The following DST variants were observed in gnomAD, a reference collection of about 807,000 sequenced individuals.
DST encodes the protein bullous pemphigoid antigen.
Under a neutral mutation model 875.2 loss-of-function variants are expected in DST, and 253 were observed. That is an observed-to-expected ratio of 0.29 (90% CI 0.26 to 0.32). The LOEUF is 0.32. DST is among the 10% of genes least tolerant of loss of function. The pLI is 1.00. For synonymous variants in DST, 3,124 were observed against 3,197.1 expected (o/e 0.98, Z 0.77); for missense variants, 8,287 against 9,111.6 (o/e 0.91, Z 3.68).
chr6:56,597,076 C>CA (rs1305970162), intron 47 of DST, among the ~76,000 whole-genome samples: 5 of 151,980 alleles, frequency 3.3e-5, no homozygotes, highest in Non-Finnish European at 1.5e-5. Flanking sequence ...CTCATCACTA[C>CA]AAAAAATACA....
chr6:56,742,414 T>C (rs2099550581), intron 4 of DST: 3 of 1,231,600 alleles, frequency 2.4e-6, no homozygotes, highest in Admixed American at 2.3e-5. Context: ...TCCTGTTAAC[T>C]TTCTATGTAG....
intron 4 of DST, among the ~76,000 whole-genome samples, chr6:56,831,197 G>A (rs780567340): frequency 1.3e-5 from 2 of 152,138 alleles, no homozygotes; most frequent in African/African-American, 2.4e-5. Context: ...GCTGAGCCAT[G>A]GCTAAAACTT....
At chr6:56,594,385 G>C (rs367910920) in intron 47 of DST, among the ~76,000 whole-genome samples, 192 bp from the exon 48 acceptor site, 6 of 152,222 alleles carry the variant, frequency 3.9e-5, no homozygotes, top group Admixed American at 1.3e-4. Context: ...TTTTGAGCAT[G>C]CTAATCTTAT....
intron 28 of DST, 113 bp from the exon 29 acceptor site, chr6:56,632,153 G>T: frequency 1.4e-6 from 1 of 727,754 alleles, no homozygotes; most frequent in Non-Finnish European, 2.2e-6. Flanking sequence ...TCAAGCAAAT[G>T]ATTCCTGTTT....
chr6:56,787,950 C>T (rs1179520196), intron 4 of DST, among the ~76,000 whole-genome samples: 1 of 151,120 alleles, frequency 6.6e-6, no homozygotes, highest in Non-Finnish European at 1.5e-5. Context: ...ACCAGCCTGG[C>T]CTCTACTAAA....
In DST at chr6:56,605,218, A is replaced by G. The variant is rs775533007; in HGVS notation, c.9410T>C (p.Leu3137Pro). ...VSKSPVQFEN[L>P]EEIFDTSVSK... ...AACTGATGTGTCAAAAATTTCTTCAAGATTCTCAAACTGAACAGGACTTTT... is the reference window on the plus strand; with the variant it reads ...AACTGATGTGTCAAAAATTTCTTCAGGATTCTCAAACTGAACAGGACTTTT... The change falls in exon 40 of 104, where the codon CTT becomes CCT. Residue 3137 changes from leucine to proline, a missense_variant. Leu to Pro is a moderately conservative substitution (Grantham distance 98). Transcript: ENST00000680361. 2 of 1,611,658 alleles carry G rather than the reference A, an allele frequency of 1.2e-6. No individual in the cohort carries two copies. The highest frequency in any genetic ancestry group is 1.7e-6 in the Non-Finnish European group (2 of 1,178,722).
In DST at chr6:56,837,110, T is replaced by C. The variant is rs567828613; in HGVS notation, c.625+14287A>G. Among the ~76,000 whole-genome samples the C allele has an allele frequency of 3.9e-5, 6 of 152,256 alleles. No homozygotes were observed. In the South Asian group the frequency reaches 1.2e-3, roughly 32 times the overall value. ...ATTACTTAAAGCGCTCTACATTAAA[T>C]AGAGCATTCCAGTTTTCTAGGGCAC... is the stretch of plus-strand genomic sequence containing the variant. On this transcript the variant is annotated intron_variant, in intron 4 of 103. Coordinates refer to ENST00000680361, the MANE Select transcript of DST (RefSeq NM_001374736.1).
Position 56,608,243 on chromosome 6 carries a change from T to C in DST, c.6385A>G (p.Ile2129Val), listed in dbSNP as rs768481410. The C allele has an allele frequency of 6.2e-7, 1 of 1,613,618 alleles. No homozygotes were observed. The highest frequency in any genetic ancestry group is 8.5e-7 in the Non-Finnish European group (1 of 1,179,776). The change falls in exon 40 of 104, where the codon ATT becomes GTT. Residue 2129 changes from isoleucine to valine, a missense_variant. Physicochemically the swap from Ile to Val is conservative, Grantham distance 29. Around this residue, in one of 10 missense-constraint regions of DST, gnomAD observed 3,138 missense variants for 3,116.6 expected, o/e 1.01. Transcript: ENST00000680361. Reference sequence around the variant, plus strand: ...ATTGATGCTGTGTTGTTGTCTATAATTCCTAGCTGTTTAGCAGCATCCAAA... The same window carrying C: ...ATTGATGCTGTGTTGTTGTCTATAACTCCTAGCTGTTTAGCAGCATCCAAA... ...IGLDAAKQLG[I>V]IDNNTASILK... is the part of the protein sequence containing the mutation.
chr6:56,677,814 C>A (rs1430312641), intron 9 of DST, among the ~76,000 whole-genome samples: 1 of 152,170 alleles, frequency 6.6e-6, no homozygotes, highest in African/African-American at 2.4e-5. Flanking sequence ...CATATTTGAT[C>A]TGGGCTTTAT....
chr6:56,710,363 T>A (rs1227924174), intron 5 of DST, among the ~76,000 whole-genome samples: 1 of 152,178 alleles, frequency 6.6e-6, no homozygotes, highest in Non-Finnish European at 1.5e-5. Context: ...TGGAAAACAA[T>A]CAGCTATCTT....
In DST at chr6:56,616,282, A is replaced by C. The variant is rs574505826; in HGVS notation, c.4930-1798T>G. 8.3e-5 allele frequency: 134 copies of C among 1,614,084 alleles called. 1 individual carries two copies. The South Asian group carries it at 1.3e-3, about 16-fold the overall frequency. On this transcript the variant is annotated intron_variant, in intron 36 of 103. Transcript: ENST00000680361. ...TAATATTGAAGTGTAATCCTGTTTT[A>C]GTATCAGTCAGCATATGAGAAGAAT...
chr6:56,683,548 A>G (rs1411353014), intron 9 of DST, among the ~76,000 whole-genome samples: 3 of 152,206 alleles, frequency 2.0e-5, no homozygotes, highest in African/African-American at 7.2e-5. Flanking sequence ...TACCCTTGGA[A>G]CATTCTCCCC....
chr6:56,752,972 G>T (rs994125486), intron 4 of DST, among the ~76,000 whole-genome samples: 1 of 151,904 alleles, frequency 6.6e-6, no homozygotes, highest in African/African-American at 2.4e-5. Context: ...TGTATTTTTA[G>T]TAGAGACGGG....
chr6:56,885,776 C>T (rs1784428721), intron 3 of DST, among the ~76,000 whole-genome samples: 1 of 152,202 alleles, frequency 6.6e-6, no homozygotes, highest in Admixed American at 6.5e-5. Context: ...TGGTCTTGAA[C>T]TTTCTAGGTT....
In DST at chr6:56,552,571, G is replaced by T. The variant is rs1023268228; in HGVS notation, c.16221C>A (p.Ser5407Arg). The stretch of plus-strand genomic sequence containing the variant: ...CTGCATCTCTCCCCACTGGAGCCAT[G>T]CTATCCAGTTCATCATCAAACTCTG... ...QFAEFDDELD[S>R]MAPVGRDAET... The change falls in exon 61 of 104, where the codon AGC (serine) becomes AGA (arginine). Residue 5407 changes from serine (S) to arginine (R), a missense_variant. By Grantham distance (110) the Ser-to-Arg change is moderately radical. This residue lies in a region of DST where 1,513 missense variants were observed against 1,677.8 expected (regional missense o/e 0.90). Transcript: ENST00000680361. The T allele has an allele frequency of 6.2e-7, 1 of 1,614,008 alleles. No homozygotes were observed.
chr6:56,818,028 G>A (rs1242235560), intron 4 of DST, among the ~76,000 whole-genome samples: 1 of 152,136 alleles, frequency 6.6e-6, no homozygotes, highest in Non-Finnish European at 1.5e-5. Flanking sequence ...ATAGCCATGA[G>A]CCAAGGAATG....
At position 56,529,774 on chromosome 6, in the gene DST, C is replaced by T. The variant is rs778363684; in HGVS notation, c.17269G>A (p.Ala5757Thr). The T allele has an allele frequency of 7.8e-6, 12 of 1,537,568 alleles. No homozygotes were observed. The highest frequency in any genetic ancestry group is 3.5e-4 in the Middle Eastern group (2 of 5,762). The part of the protein sequence containing the change: ...KLEEQIAQHK[A>T]LEDDIINHNK... The stretch of plus-strand genomic sequence containing the variant: ...TGATTGATGATGTCATCTTCTAAGG[C>T]CTAAGCAAAGTTTAAAAAAATAAAG... Residue 5757 changes from alanine to threonine, a missense_variant and splice_region_variant, in exon 66 of 104, where the codon GCC (alanine) becomes ACC (threonine). Physicochemically the swap from Ala to Thr is moderately conservative, Grantham distance 58. This residue lies in a region of DST where 777 missense variants were observed against 764.8 expected (regional missense o/e 1.02). Transcript: ENST00000680361.
chr6:56,925,431 A>G (rs1806537511), intron 2 of DST, among the ~76,000 whole-genome samples: 1 of 152,240 alleles, frequency 6.6e-6, no homozygotes, highest in Non-Finnish European at 1.5e-5. Context: ...GTTAAAGCAC[A>G]CTCTGCCCCT....
chr6:56,917,436 G>A (rs1049296667), intron 2 of DST, among the ~76,000 whole-genome samples: 2 of 152,164 alleles, frequency 1.3e-5, no homozygotes, highest in African/African-American at 4.8e-5. Flanking sequence ...ATTTTTTACT[G>A]TTCATTTCTG....
Sources: gnomAD v4.1 joint callset for allele counts (sites outside exome capture counted in the v4.1 genomes callset) on GRCh38, gnomAD v4.1.1 for gene constraint, gnomAD v4.1.1 regional missense constraint, MANE v1.5 for transcripts, NCBI Gene and HGNC (gene_info 2026-07-23, HGNC 2026-07-21) for gene names.